LATS1: variants seen among roughly 807,000 people sequenced by gnomAD.
LATS1 encodes serine/threonine-protein kinase LATS1.
Under a neutral mutation model 106.6 loss-of-function variants are expected in LATS1, and 25 were observed. The observed-to-expected ratio is 0.23, with a 90% CI of 0.17 to 0.33. The LOEUF (loss-of-function observed/expected upper bound fraction) is 0.33, where lower values mean the gene tolerates loss of function less well. Ranked by LOEUF, LATS1 falls within the 10% of genes least tolerant of loss-of-function variation. The pLI is 1.00. For synonymous variants in LATS1, 465 were observed against 455.6 expected (o/e 1.02, Z -0.26); for missense variants, 1,040 against 1,382.6 (o/e 0.75, Z 3.93).
Position 149,683,910 on chromosome 6 carries a change from T to A in LATS1, c.1179A>T (p.Gly393=). Residue 393 remains glycine, a synonymous_variant, in exon 4 of 8, where the codon GGA becomes GGT. Coordinates refer to ENST00000543571, the MANE Select transcript of LATS1 (RefSeq NM_004690.4). ...TTGTATATGACGAAGGAGCAGCAGA[T>A]CCCCCTGTTTGTAAAGCAGAAGGGC... ...GQSPSALQTG[G]SAAPSSYTNG... 6.2e-7 allele frequency: 1 copy of A among 1,613,870 alleles called. No individual in the cohort carries two copies.
At chr6:149,704,885 T>TACAC (rs1491407237) in intron 1 of LATS1, among the ~76,000 whole-genome samples, 663 of 64,048 alleles carry the variant, frequency 0.01, 6 homozygotes, top group African/African-American at 0.039. Flanking sequence ...AGAAATTAAT[T>TACAC]ATACACACAC....
intron 7 of LATS1, among the ~76,000 whole-genome samples, chr6:149,675,125 G>A (rs1197837176): frequency 3.3e-5 from 5 of 150,618 alleles, no homozygotes; most frequent in African/African-American, 7.3e-5. Flanking sequence ...GCTGAGGCAC[G>A]AGAATTGCTT....
chr6:149,662,325 G>T (rs1199319693), intron 7 of LATS1, 87 bp from the exon 8 acceptor site: 1 of 1,114,052 alleles, frequency 9.0e-7, no homozygotes, highest in Non-Finnish European at 1.3e-6. Flanking sequence ...GTCTCACTGG[G>T]CTATTTTTGT....
At chr6:149,673,096 CTTT>C (rs199602290) in intron 7 of LATS1, among the ~76,000 whole-genome samples, 44,981 of 118,150 alleles carry the variant, frequency 0.38, 7,433 homozygotes, top group East Asian at 0.75. Flanking sequence ...CTTTTCTTTT[CTTT>C]TTTTTTTTTT....
At chr6:149,715,591 C>A (rs532552363) in intron 1 of LATS1, among the ~76,000 whole-genome samples, 1 of 151,926 alleles carries the variant, frequency 6.6e-6, no homozygotes, top group African/African-American at 2.4e-5. Context: ...TTGCACATAA[C>A]GAAATTAGTT....
rs764823863 is a variant in LATS1 at position 149,702,138 on chromosome 6, T to C, written c.-12A>G. 3.2e-5 allele frequency: 50 copies of C among 1,553,964 alleles called. No homozygotes were observed. The highest frequency in any genetic ancestry group is 2.7e-5 in the African/African-American group (2 of 73,162). On this transcript the variant is annotated 5_prime_UTR_variant, in exon 2 of 8. It adds an upstream start codon to the 5' untranslated region. Coordinates refer to ENST00000543571, the MANE Select transcript of LATS1 (RefSeq NM_004690.4). ...TCACTCCTCTTCATGAAAACATCTA[T>C]ATATGTAGCCCACACGAAGGACTTC...
At chr6:149,684,703 A>G in intron 3 of LATS1, 111 bp from the exon 4 acceptor site, 1 of 719,288 alleles carries the variant, frequency 1.4e-6, no homozygotes, top group South Asian at 2.5e-5. Context: ...ATTCTCTTTC[A>G]AGAATTATAA....
chr6:149,667,470 A>C (rs894798265), intron 7 of LATS1, among the ~76,000 whole-genome samples: 2 of 137,634 alleles, frequency 1.5e-5, no homozygotes, highest in African/African-American at 5.4e-5. Context: ...AAAAAAAAGG[A>C]GGTGGATACT....
Position 149,679,936 on chromosome 6 carries a change from C to T in LATS1, c.2532G>A (p.Leu844=). The T allele has an allele frequency of 6.2e-7, 1 of 1,613,630 alleles. No individual in the cohort carries two copies. Among genetic ancestry groups the T allele is most frequent in the South Asian group, 1.1e-5 (1 of 91,012 alleles). The stretch of plus-strand genomic sequence containing the variant: ...AGCCAGTGCAGAGGCCAAAGTCAGT[C>T]AATTTAATATGACCATCACGATCAA... ...ILIDRDGHIK[L]TDFGLCTGFR... The change falls in exon 5 of 8, where the codon TTG becomes TTA. Residue 844 remains leucine (L), a synonymous_variant. Coordinates refer to ENST00000543571, the MANE Select transcript of LATS1 (RefSeq NM_004690.4).
intron 3 of LATS1, among the ~76,000 whole-genome samples, chr6:149,686,008 C>T (rs1442948483): frequency 1.3e-5 from 2 of 152,012 alleles, no homozygotes; most frequent in South Asian, 2.1e-4. Flanking sequence ...GTACCTCTTG[C>T]GAATGTCTTC....
At chr6:149,717,049 G>A (rs886144616) in intron 1 of LATS1, among the ~76,000 whole-genome samples, 1 of 152,078 alleles carries the variant, frequency 6.6e-6, no homozygotes, top group African/African-American at 2.4e-5. Context: ...TTCCAAAACT[G>A]GAGTTATACA....
At position 149,679,872 on chromosome 6, in the gene LATS1, T is replaced by G; in HGVS notation, c.2593+3A>C. On this transcript the variant is annotated splice_donor_region_variant and intron_variant, in intron 5 of 7. Transcript: ENST00000543571. The stretch of plus-strand genomic sequence containing the variant: ...CTAAAATAAATTTTATGAGTTTACT[T>G]ACCACTCTGATAGTACTTAGAATCG... The G allele has an allele frequency of 6.4e-7, 1 of 1,552,492 alleles. No individual in the cohort carries two copies. The highest frequency in any genetic ancestry group is 8.7e-7 in the Non-Finnish European group (1 of 1,149,734).
chr6:149,658,497 A>G lies in LATS1; in HGVS notation c.*3232T>C, dbSNP rs1780779821. 6.6e-6 allele frequency: 1 copy of G among 152,222 alleles called. No individual in the cohort carries two copies. The allele number at this position is 152,222 out of a possible 1,614,324, so 9.4% of individuals were successfully genotyped here. A position where few individuals can be genotyped will look rare whatever the true frequency, so the allele number is the denominator to read the frequency against. On this transcript the variant is annotated 3_prime_UTR_variant, in exon 8 of 8. Transcript: ENST00000543571. ...CCCAAATTACTTTTTGCTTTAGATT[A>G]AAATGAACAGGCTAAATGTTCCACT...
rs777519756 is a variant in LATS1, at chr6:149,661,790, G to A, written c.3332C>T (p.Ser1111Leu). The A allele has an allele frequency of 4.9e-5, 78 of 1,602,948 alleles. 1 individual carries two copies. In the Middle Eastern group the frequency reaches 5.0e-4, roughly 10 times the overall value. The part of the protein sequence containing the change: ...YINSQGSEQQ[S>L]DEDDQNTGSE... The stretch of plus-strand genomic sequence containing the variant: ...GCCTGTGTTTTGATCATCTTCATCC[G>A]ACTGCTGCTCTGAGCCTTGTGAATT... Residue 1111 changes from serine to leucine, a missense_variant, in exon 8 of 8, where the codon TCG (serine) becomes TTG (leucine). Ser to Leu is a moderately radical substitution (Grantham distance 145). Around this residue, in one of 7 missense-constraint regions of LATS1, gnomAD observed 46 missense variants for 42.4 expected, o/e 1.09. Coordinates refer to ENST00000543571, the MANE Select transcript of LATS1 (RefSeq NM_004690.4).
chr6:149,675,154 T>C (rs1291055667), intron 7 of LATS1, among the ~76,000 whole-genome samples: 1 of 146,990 alleles, frequency 6.8e-6, no homozygotes, highest in Non-Finnish European at 1.5e-5. Context: ...GAGGCAGAAG[T>C]TGTAGTGAAC....
chr6:149,685,053 T>C (rs768871215), intron 3 of LATS1, among the ~76,000 whole-genome samples: 25 of 151,832 alleles, frequency 1.6e-4, no homozygotes, highest in South Asian at 4.2e-4. Context: ...CTGGCCAACA[T>C]GGTGAAACTC....
intron 3 of LATS1, among the ~76,000 whole-genome samples, chr6:149,691,174 T>A (rs1359716758): frequency 6.6e-6 from 1 of 152,128 alleles, no homozygotes; most frequent in African/African-American, 2.4e-5. Context: ...TTAAATTAGG[T>A]CATTAGGGTG....
rs1161379405 is a variant in LATS1 at position 149,684,338 on chromosome 6, G to C, written c.751C>G (p.Pro251Ala). 1 of 1,614,014 alleles carries C rather than the reference G, an allele frequency of 6.2e-7. No homozygotes were observed. The highest frequency in any genetic ancestry group is 8.5e-7 in the Non-Finnish European group (1 of 1,180,028). ...CTTGGAGGGGGAGTCTGGCCTCTTGGAGGTGGTGGAGGAGTAACACTCCTT... is the reference window on the plus strand; with the variant it reads ...CTTGGAGGGGGAGTCTGGCCTCTTGCAGGTGGTGGAGGAGTAACACTCCTT... The part of the protein sequence containing the change: ...QVRSVTPPPP[P>A]RGQTPPPRGT... The change falls in exon 4 of 8, where the codon CCA becomes GCA. Residue 251 changes from proline (P) to alanine (A), a missense_variant. Physicochemically the swap from Pro to Ala is conservative, Grantham distance 27. Coordinates refer to ENST00000543571, the MANE Select transcript of LATS1 (RefSeq NM_004690.4).
At chr6:149,676,401 A>G in intron 6 of LATS1, 35 bp from the exon 7 acceptor site, 1 of 1,452,452 alleles carries the variant, frequency 6.9e-7, no homozygotes, top group Non-Finnish European at 9.6e-7. Flanking sequence ...GCACTTTAAA[A>G]ATGCTCAGAA....
Sources: gnomAD v4.1 joint callset for allele counts (sites outside exome capture counted in the v4.1 genomes callset) on GRCh38, gnomAD v4.1.1 for gene constraint, gnomAD v4.1.1 regional missense constraint, MANE v1.5 for transcripts, NCBI Gene and HGNC (gene_info 2026-07-23, HGNC 2026-07-21) for gene names.